Variants in UHRF2 observed in about 807,000 individuals in gnomAD.
UHRF2 encodes E3 ubiquitin-protein ligase UHRF2.
UHRF2 carries 23 observed loss-of-function variants against 96.8 expected under a neutral mutation model. The observed-to-expected ratio is 0.24, with a 90% CI of 0.17 to 0.34. UHRF2 has a LOEUF of 0.34. Among genes scored for constraint, UHRF2 ranks in the 10% least tolerant of loss-of-function variants. The pLI, the probability that UHRF2 is intolerant of heterozygous loss-of-function variation, is 1.00. For missense variants in UHRF2, 685 were observed against 981.5 expected (o/e 0.70, Z 4.04); for synonymous variants, 385 against 332.6 (o/e 1.16, Z -1.72).
chr9:6,419,094 T>TAAGTTAA (rs1819774674), intron 1 of UHRF2, among the ~76,000 whole-genome samples: 1 of 152,202 alleles, frequency 6.6e-6, no homozygotes, highest in East Asian at 1.9e-4. Flanking sequence ...TTAACTTAAT[T>TAAGTTAA]ACCTCTCTAA....
chr9:6,482,328 A>T lies in UHRF2; in HGVS notation c.1392+229A>T, dbSNP rs147942889. ...CACTTTGTTTTTACTGTTCTGTTAT[A>T]GTTGTGGTAGTAACCATTATTGTTA... On this transcript the variant is annotated intron_variant, in intron 8 of 15. Transcript: ENST00000276893. 2.1e-3 allele frequency among the ~76,000 whole-genome samples: 316 copies of T among 152,288 alleles called. 1 individual carries two copies. The highest frequency in any genetic ancestry group is 7.3e-3 in the African/African-American group (305 of 41,570).
intron 1 of UHRF2, among the ~76,000 whole-genome samples, chr9:6,419,005 C>T (rs1819769886): frequency 6.6e-6 from 1 of 152,146 alleles, no homozygotes; most frequent in Admixed American, 6.5e-5. Context: ...TTCACATTGT[C>T]TTCCGGCTGC....
At chr9:6,477,431 C>T (rs759996345) in intron 5 of UHRF2, among the ~76,000 whole-genome samples, 191 bp from the exon 6 acceptor site, 5 of 151,666 alleles carry the variant, frequency 3.3e-5, no homozygotes, top group Non-Finnish European at 2.9e-5. Flanking sequence ...GAAGCTGAGG[C>T]GGGAGAATCG....
At chr9:6,499,325 T>G (rs552159240) in intron 12 of UHRF2, 1 of 147,116 alleles carries the variant, frequency 6.8e-6, no homozygotes, top group Admixed American at 6.8e-5. Context: ...ATCTAACTCT[T>G]AGCTGGTGGA....
At chr9:6,499,434 G>A (rs1825148038) in intron 12 of UHRF2, 1 of 152,418 alleles carries the variant, frequency 6.6e-6, no homozygotes, top group South Asian at 2.1e-4. Context: ...TATTTTTTTA[G>A]ATCAACTCCA....
intron 5 of UHRF2, among the ~76,000 whole-genome samples, chr9:6,475,926 A>T (rs1823541550): frequency 6.6e-6 from 1 of 152,176 alleles, no homozygotes; most frequent in African/African-American, 2.4e-5. Flanking sequence ...TGAAACATAC[A>T]GTAAATGTTA....
chr9:6,426,304 C>A (rs1187247065), intron 2 of UHRF2, among the ~76,000 whole-genome samples: 1 of 152,194 alleles, frequency 6.6e-6, no homozygotes, highest in Non-Finnish European at 1.5e-5. Context: ...ATGTTAAAGA[C>A]TTGAGCTTTG....
chr9:6,431,573 C>T (rs1425495246), intron 2 of UHRF2, among the ~76,000 whole-genome samples: 1 of 151,838 alleles, frequency 6.6e-6, no homozygotes, highest in Non-Finnish European at 1.5e-5. Context: ...CAGCAGATAG[C>T]CTGTCTTAAA....
chr9:6,462,299 G>A (rs28529307), intron 4 of UHRF2, among the ~76,000 whole-genome samples: 2 of 150,782 alleles, frequency 1.3e-5, no homozygotes, highest in African/African-American at 2.4e-5. Flanking sequence ...CTCTTCGTGG[G>A]AAAAGTTTGC....
chr9:6,464,377 T>C (rs954592900), intron 4 of UHRF2, among the ~76,000 whole-genome samples: 5 of 152,212 alleles, frequency 3.3e-5, no homozygotes, highest in African/African-American at 1.2e-4. Context: ...TCTAATTCTG[T>C]GGCTTGTCTT....
At chr9:6,433,239 G>T (rs1314048597) in intron 2 of UHRF2, among the ~76,000 whole-genome samples, 2 of 152,042 alleles carry the variant, frequency 1.3e-5, no homozygotes, top group East Asian at 3.9e-4. Context: ...CCTTCCTTTT[G>T]TCAGATTGCA....
In UHRF2 at chr9:6,475,425, A is replaced by T. The variant is rs769460270; in HGVS notation, c.898A>T (p.Ile300Leu). 6.3e-7 allele frequency: 1 copy of T among 1,581,900 alleles called. No individual in the cohort carries two copies. Among genetic ancestry groups the T allele is most frequent in the African/African-American group, 1.4e-5 (1 of 73,728 alleles). The change falls in exon 5 of 16, where the codon ATA becomes TTA. Residue 300 changes from isoleucine to leucine, a missense_variant. Around this residue, in one of 6 missense-constraint regions of UHRF2, gnomAD observed 391 missense variants for 437.0 expected, o/e 0.89. Transcript: ENST00000276893. Reference sequence around the variant, plus strand: ...AGGAACATTAAATGACTGCAAGATAATATCTGTAGATGAAATCTTCAAGAT... The same window carrying T: ...AGGAACATTAAATGACTGCAAGATATTATCTGTAGATGAAATCTTCAAGAT... ...SEGTLNDCKIISVDEIFKIER... is the reference protein window; with the variant it reads ...SEGTLNDCKILSVDEIFKIER...
chr9:6,461,019 A>G (rs962987259), intron 4 of UHRF2, among the ~76,000 whole-genome samples: 4 of 152,220 alleles, frequency 2.6e-5, no homozygotes, highest in African/African-American at 9.6e-5. Context: ...AATGTTGGAA[A>G]TAACTGAGTG....
chr9:6,460,592 C>G lies in UHRF2; in HGVS notation c.664C>G (p.Leu222Val), dbSNP rs1026267241. Residue 222 changes from leucine (L) to valine (V), a missense_variant, in exon 4 of 16, where the codon CTA becomes GTA. By Grantham distance (32) the Leu-to-Val change is conservative. Coordinates refer to ENST00000276893, the MANE Select transcript of UHRF2 (RefSeq NM_152896.3). ...CCTCAGATACCCAGAAAGCGGTACT[C>G]TAGAAATGAATGTCAAGGATCTTAG... ...QYDEYPESGT[L>V]EMNVKDLRPR... 6.8e-6 allele frequency: 11 copies of G among 1,607,770 alleles called. No individual in the cohort carries two copies. The African/African-American group carries it at 9.4e-5, about 14-fold the overall frequency.
At chr9:6,476,292 C>G (rs750466142) in intron 5 of UHRF2, among the ~76,000 whole-genome samples, 3 of 152,066 alleles carry the variant, frequency 2.0e-5, no homozygotes, top group Non-Finnish European at 4.4e-5. Context: ...GCGTTTCTTG[C>G]TGTTTCTTCT....
chr9:6,484,329 G>T (rs1208266109), intron 8 of UHRF2, among the ~76,000 whole-genome samples: 1 of 151,900 alleles, frequency 6.6e-6, no homozygotes, highest in Non-Finnish European at 1.5e-5. Context: ...TCCAGCCTTG[G>T]CCTCCCAAAG....
intron 4 of UHRF2, among the ~76,000 whole-genome samples, chr9:6,473,893 A>T (rs776343343): frequency 6.6e-6 from 1 of 152,220 alleles, no homozygotes; most frequent in Non-Finnish European, 1.5e-5. Context: ...TTTAACCCAT[A>T]CTTTGGGAAT....
chr9:6,416,535 C>CTTTTTTTTTTTTT (rs60522189), intron 1 of UHRF2, among the ~76,000 whole-genome samples: 1 of 64,932 alleles, frequency 1.5e-5, no homozygotes, highest in Non-Finnish European at 2.7e-5. Flanking sequence ...ATCTCTAAAT[C>CTTTTTTTTTTTTT]TTTTTTTTTT....
intron 8 of UHRF2, among the ~76,000 whole-genome samples, chr9:6,486,233 G>A (rs1308910024): frequency 6.6e-6 from 1 of 152,148 alleles, no homozygotes; most frequent in Non-Finnish European, 1.5e-5. Context: ...ACTAGAGGCA[G>A]TAAAAAAAGG....
Sources: gnomAD v4.1 joint callset for allele counts (sites outside exome capture counted in the v4.1 genomes callset) on GRCh38, gnomAD v4.1.1 for gene constraint, gnomAD v4.1.1 regional missense constraint, MANE v1.5 for transcripts, NCBI Gene and HGNC (gene_info 2026-07-23, HGNC 2026-07-21) for gene names.